Variants in FTCDNL1 observed in about 807,000 individuals in gnomAD.
The protein encoded by FTCDNL1 is formiminotransferase cyclodeaminase N-terminal like.
FTCDNL1 carries 11 observed loss-of-function variants against 5.9 expected under a neutral mutation model. The ratio of observed to expected loss-of-function variants is 1.87; its 90% confidence interval spans 1.18 to 3.10. The LOEUF (loss-of-function observed/expected upper bound fraction) is 3.10, where lower values mean the gene tolerates loss of function less well. FTCDNL1 is among the 30% of genes most tolerant of loss of function. The pLI is 0.00. For missense variants in FTCDNL1, 115 were observed against 65.5 expected (o/e 1.76, Z -2.61); for synonymous variants, 58 against 24.8 (o/e 2.34, Z -3.99).
intron 3 of FTCDNL1, among the ~76,000 whole-genome samples, chr2:199,768,737 G>A (rs1052927945): frequency 6.6e-6 from 1 of 152,152 alleles, no homozygotes; most frequent in Non-Finnish European, 1.5e-5. Flanking sequence ...GCCTACCAGG[G>A]TGAGTTCTCA....
At chr2:199,747,997 T>C in the FTCDNL1 span, among the ~76,000 whole-genome samples, 1 of 152,238 alleles carries the variant, frequency 6.6e-6, no homozygotes, top group African/African-American at 2.4e-5. Context: ...CACTTACTTT[T>C]ACAATGTCCT....
chr2:199,741,992 C>A, the FTCDNL1 span, among the ~76,000 whole-genome samples: 1 of 152,084 alleles, frequency 6.6e-6, no homozygotes, highest in Admixed American at 6.6e-5. Flanking sequence ...TTTCATAAAC[C>A]AATACTTGCC....
chr2:199,728,747 T>C, the FTCDNL1 span, among the ~76,000 whole-genome samples: 3 of 152,326 alleles, frequency 2.0e-5, no homozygotes, highest in African/African-American at 7.2e-5. Context: ...ACATTGAGCA[T>C]GTACTGATTC....
the FTCDNL1 span, among the ~76,000 whole-genome samples, chr2:199,754,478 C>T: frequency 6.6e-6 from 1 of 152,074 alleles, no homozygotes; most frequent in Non-Finnish European, 1.5e-5. Context: ...CACCAGGAGG[C>T]CACCATTTAA....
chr2:199,796,989 C>G (rs2106384871), intron 3 of FTCDNL1, among the ~76,000 whole-genome samples: 1 of 152,128 alleles, frequency 6.6e-6, no homozygotes, highest in Admixed American at 6.5e-5. Flanking sequence ...AAGGAACTGA[C>G]CACTAGATAA....
At chr2:199,750,236 T>C in the FTCDNL1 span, among the ~76,000 whole-genome samples, 1 of 151,676 alleles carries the variant, frequency 6.6e-6, no homozygotes, top group Non-Finnish European at 1.5e-5. Context: ...ATGTGCCTTG[T>C]AGTCCCAGCT....
the FTCDNL1 span, among the ~76,000 whole-genome samples, chr2:199,720,677 A>G: frequency 0.082 from 12,470 of 152,144 alleles, 1,042 homozygotes; most frequent in African/African-American, 0.19. Context: ...TTGCCGTTGG[A>G]TTTAGGGCCC....
chr2:199,826,412 A>G (rs911730391), intron 3 of FTCDNL1, among the ~76,000 whole-genome samples: 1 of 149,964 alleles, frequency 6.7e-6, no homozygotes, highest in African/African-American at 2.5e-5. Context: ...TAACCTCTCT[A>G]TATGTAAAAT....
chr2:199,793,954 C>T (rs887848538), intron 3 of FTCDNL1, among the ~76,000 whole-genome samples: 3 of 152,152 alleles, frequency 2.0e-5, no homozygotes, highest in Non-Finnish European at 4.4e-5. Flanking sequence ...AAAGAGGTGG[C>T]ATAAAGAGTA....
rs2106457847 is a variant in FTCDNL1, at chr2:199,812,431, A to T, written c.*274T>A. ...CCCATTGACCTTATTTAAATGCTGAATTTGATTTTTTATGTTAATTTAAAC... is the reference window on the plus strand; with the variant it reads ...CCCATTGACCTTATTTAAATGCTGATTTTGATTTTTTATGTTAATTTAAAC... On this transcript the variant is annotated 3_prime_UTR_variant, in exon 5 of 5. Transcript: ENST00000420128. 2.7e-6 allele frequency: 1 copy of T among 371,596 alleles called. No homozygotes were observed. The highest frequency in any genetic ancestry group is 4.2e-5 in the East Asian group (1 of 23,908). 23.0% of individuals were successfully genotyped at this position (371,596 alleles called of 1,614,324 possible).
chr2:199,815,518 AAT>A (rs1701298172), intron 4 of FTCDNL1, among the ~76,000 whole-genome samples: 1 of 152,200 alleles, frequency 6.6e-6, no homozygotes, highest in African/African-American at 2.4e-5. Flanking sequence ...GGGAGGGAAA[AAT>A]ATGTTAGGAA....
intron 3 of FTCDNL1, among the ~76,000 whole-genome samples, chr2:199,831,589 A>C (rs1178897713): frequency 6.6e-6 from 1 of 152,198 alleles, no homozygotes; most frequent in Non-Finnish European, 1.5e-5. Context: ...ACAAACATAC[A>C]CAAGCAATAC....
chr2:199,772,048 G>A lies in FTCDNL1; in HGVS notation c.212-11213C>T, dbSNP rs148591256. 6.6e-3 allele frequency among the ~76,000 whole-genome samples: 1,002 copies of A among 152,212 alleles called. 9 individuals carry two copies. Among genetic ancestry groups the A allele is most frequent in the Admixed American group, 0.016 (244 of 15,296 alleles). On this transcript the variant is annotated intron_variant, in intron 3 of 3. Transcript: ENST00000416668. ...CAGCATCACTGCTCTTACACTTTGG[G>A]GCCATTATTAAGCAGAATAAGGGTT...
chr2:199,758,291 G>A (rs867601239), downstream of FTCDNL1, among the ~76,000 whole-genome samples: 1 of 151,872 alleles, frequency 6.6e-6, no homozygotes, highest in Admixed American at 6.6e-5. Flanking sequence ...TTTTAAAATT[G>A]CTATAAATAA....
At chr2:199,703,203 C>T in the FTCDNL1 span, among the ~76,000 whole-genome samples, 1 of 151,760 alleles carries the variant, frequency 6.6e-6, no homozygotes, top group East Asian at 1.9e-4. Flanking sequence ...TATCCCTCCC[C>T]CCTGCCCCCA....
At chr2:199,845,961 A>G in intron 3 of FTCDNL1, 114 bp downstream of exon 3, 1 of 501,626 alleles carries the variant, frequency 2.0e-6, no homozygotes, top group Non-Finnish European at 3.5e-6. Flanking sequence ...TAGACTCTTT[A>G]CTTAATAGAG....
At chr2:199,793,668 C>T (rs763381971) in intron 3 of FTCDNL1, among the ~76,000 whole-genome samples, 3 of 152,118 alleles carry the variant, frequency 2.0e-5, no homozygotes, top group Non-Finnish European at 4.4e-5. Context: ...ACAATAAATG[C>T]ATAGCACACA....
At chr2:199,838,162 G>A (rs1000507) in intron 3 of FTCDNL1, among the ~76,000 whole-genome samples, 36,149 of 152,088 alleles carry the variant, frequency 0.24, 5,313 homozygotes, top group South Asian at 0.34. Context: ...CATACAAGAA[G>A]CATCAGGGTC....
chr2:199,672,804 T>C, the FTCDNL1 span, among the ~76,000 whole-genome samples: 7 of 151,982 alleles, frequency 4.6e-5, no homozygotes, highest in African/African-American at 9.7e-5. Context: ...TCCTAAGAGA[T>C]AGAGTCAGGC....
Sources: gnomAD v4.1 joint callset for allele counts (sites outside exome capture counted in the v4.1 genomes callset) on GRCh38, gnomAD v4.1.1 for gene constraint, MANE v1.5 for transcripts, NCBI Gene and HGNC (gene_info 2026-07-23, HGNC 2026-07-21) for gene names.